The following PWWP2A variants were observed in gnomAD, a reference collection of about 807,000 sequenced individuals.
PWWP2A encodes PWWP domain-containing protein 2A.
In PWWP2A, 18 loss-of-function variants were observed where a neutral mutation model predicts 48.5. The observed-to-expected ratio is 0.37, with a 90% confidence interval of 0.26 to 0.55. The LOEUF (loss-of-function observed/expected upper bound fraction) is 0.55, where lower values mean the gene tolerates loss of function less well. Ranked by LOEUF, PWWP2A falls within the 20% of genes least tolerant of loss-of-function variation. The probability of loss-of-function intolerance (pLI) is 0.81; values close to 1 mark genes in which losing one functional copy is unlikely to be tolerated. For missense variants in PWWP2A, 867 were observed against 976.4 expected, an observed-to-expected ratio of 0.89 and a Z score of 1.49; for synonymous variants, 396 against 387.7, an observed-to-expected ratio of 1.02 and a Z score of -0.25.
rs1480189278 is a variant in PWWP2A at position 160,091,717 on chromosome 5, C to T, written c.*665G>A. On this transcript the variant is annotated 3_prime_UTR_variant, in exon 2 of 2. Coordinates refer to ENST00000307063, the MANE Select transcript of PWWP2A (RefSeq NM_001130864.2). ...AAAGACAGTGATGACTAACACCTATCCAGTCTTGACAGTTTTAATCCCAAA... is the reference window on the plus strand; with the variant it reads ...AAAGACAGTGATGACTAACACCTATTCAGTCTTGACAGTTTTAATCCCAAA... 2.0e-6 allele frequency: 2 copies of T among 985,040 alleles called. No individual in the cohort carries two copies. The highest frequency in any genetic ancestry group is 1.7e-5 in the African/African-American group (1 of 57,198). The allele number at this position is 985,040 out of a possible 1,614,324, so 61.0% of individuals were successfully genotyped here.
chr5:160,106,144 C>A lies in PWWP2A; in HGVS notation c.585-12079G>T, dbSNP rs538469198. ...CTTATTTCTAACTGCCAGGTTAACT[C>A]CCCAGCAAAACTATAAACTAAGTGG... is the stretch of plus-strand genomic sequence containing the variant. On this transcript the variant is annotated intron_variant, in intron 1 of 1. Coordinates refer to ENST00000307063, the MANE Select transcript of PWWP2A (RefSeq NM_001130864.2). 3.9e-5 allele frequency among the ~76,000 whole-genome samples: 6 copies of A among 152,276 alleles called. No individual in the cohort carries two copies. In the South Asian group the frequency reaches 1.2e-3, roughly 32 times the overall value.
At chr5:160,061,689 C>T (rs1451216956), downstream of PWWP2A, 1 of 151,072 alleles carries the variant, frequency 6.6e-6, no homozygotes, top group Admixed American at 6.6e-5. Flanking sequence ...AAGTGATGGT[C>T]GGTGAAACTA....
In PWWP2A at chr5:160,109,774, A is replaced by ATAT. The variant is rs1284977515; in HGVS notation, c.584+9030_584+9031insATA. 7.9e-4 allele frequency among the ~76,000 whole-genome samples: 20 copies of ATAT among 25,218 alleles called. 1 individual carries two copies. The highest frequency in any genetic ancestry group is 2.0e-3 in the Admixed American group (3 of 1,482). The allele number at this position is 25,218 out of a possible 152,430, so 16.5% of individuals were successfully genotyped here. A position where few individuals can be genotyped will look rare whatever the true frequency, so the allele number is the denominator to read the frequency against. ...GCAACTGGGAAAAAAAAAAAAAAAAAATATATATATATATATATATATATA... is the reference window on the plus strand; with the variant it reads ...GCAACTGGGAAAAAAAAAAAAAAAAATATATATATATATATATATATATATATA... On this transcript the variant is annotated intron_variant, in intron 1 of 1. Transcript: ENST00000307063.
chr5:160,090,950 CTA>C, downstream of PWWP2A: 1 of 985,088 alleles, frequency 1.0e-6, no homozygotes, highest in South Asian at 4.7e-5. Context: ...AAATAGTAAG[CTA>C]AGTTACTAGC....
At chr5:160,117,150 G>A (rs1758221328) in intron 1 of PWWP2A, among the ~76,000 whole-genome samples, 2 of 152,030 alleles carry the variant, frequency 1.3e-5, no homozygotes, top group African/African-American at 2.4e-5. Flanking sequence ...ACCTTATTCT[G>A]CTTTCTAATT....
At chr5:160,050,829 T>G in the PWWP2A span, among the ~76,000 whole-genome samples, 1 of 152,054 alleles carries the variant, frequency 6.6e-6, no homozygotes, top group South Asian at 2.1e-4. Context: ...TTTTGCCATG[T>G]TGCCCAAGGT....
intron 1 of PWWP2A, among the ~76,000 whole-genome samples, chr5:160,101,506 G>A (rs1756286290): frequency 6.6e-6 from 1 of 152,174 alleles, no homozygotes; most frequent in South Asian, 2.1e-4. Context: ...GTTGACAGCA[G>A]GTGGAGAAGC....
chr5:160,080,337 G>A (rs1754140247), intron 3 of PWWP2A, among the ~76,000 whole-genome samples: 1 of 152,166 alleles, frequency 6.6e-6, no homozygotes, highest in South Asian at 2.1e-4. Flanking sequence ...ACTTTCCATG[G>A]AGACTCAGTT....
downstream of PWWP2A, chr5:160,090,605 T>C (rs1329403707): frequency 1.0e-6 from 1 of 985,078 alleles, no homozygotes; most frequent in Non-Finnish European, 1.2e-6. Flanking sequence ...CATAAGAAAT[T>C]CTACTTGCTT....
downstream of PWWP2A, chr5:160,090,585 G>A (rs1465350226): frequency 5.1e-6 from 5 of 984,262 alleles, no homozygotes; most frequent in Non-Finnish European, 4.8e-6. Context: ...AAAGCATTGA[G>A]TGAGTTCCCC....
chr5:160,064,687 G>A (rs1753545904), intron 4 of PWWP2A, among the ~76,000 whole-genome samples: 1 of 152,150 alleles, frequency 6.6e-6, no homozygotes, highest in South Asian at 2.1e-4. Context: ...AGAGCCAGCA[G>A]GACTCCACTC....
At chr5:160,051,252 T>G in the PWWP2A span, 1 of 1,284,596 alleles carries the variant, frequency 7.8e-7, no homozygotes, top group Admixed American at 2.0e-5. Flanking sequence ...TAGCGAATAC[T>G]AGAGGAGAAC....
At chr5:160,088,823 A>C (rs1419015596), downstream of PWWP2A, among the ~76,000 whole-genome samples, 3 of 152,242 alleles carry the variant, frequency 2.0e-5, no homozygotes, top group African/African-American at 7.2e-5. Flanking sequence ...CTAATTTTAG[A>C]TACAAATTAT....
exon 3 of PWWP2A, chr5:160,080,684 G>A: frequency 2.6e-6 from 4 of 1,567,868 alleles, no homozygotes; most frequent in Non-Finnish European, 3.5e-6. Flanking sequence ...AATGCTCCCA[G>A]TCTGAATCCA....
intron 1 of PWWP2A, among the ~76,000 whole-genome samples, chr5:160,097,284 C>G (rs1379353653): frequency 1.4e-5 from 2 of 139,244 alleles, no homozygotes; most frequent in Admixed American, 1.6e-4. Context: ...CTTCAGTGAG[C>G]CATGTTCGCG....
chr5:160,061,562 G>A (rs902145782), downstream of PWWP2A, among the ~76,000 whole-genome samples: 2 of 152,110 alleles, frequency 1.3e-5, no homozygotes, highest in African/African-American at 4.8e-5. Context: ...CTTCTCTAAC[G>A]CAGAGACTAT....
At chr5:160,113,263 T>G (rs539397559) in intron 1 of PWWP2A, 1 of 978,916 alleles carries the variant, frequency 1.0e-6, no homozygotes, top group South Asian at 4.7e-5. Context: ...TATGTCCAGC[T>G]CCTTTTTTTT....
In PWWP2A at chr5:160,067,938, C is replaced by T. The variant is rs552953806; in HGVS notation, c.*80-1067G>A. 3.3e-5 allele frequency among the ~76,000 whole-genome samples: 5 copies of T among 152,230 alleles called. No homozygotes were observed. The East Asian group carries it at 7.7e-4, about 24-fold the overall frequency. On this transcript the variant is annotated intron_variant and NMD_transcript_variant, in intron 2 of 5. Coordinates refer to the PWWP2A transcript ENST00000524050. ...GCTCACACCTGTAATCTCAGAACTT[C>T]GGGAGGCCGAGGTGGGCGGATCACC...
chr5:160,045,888 G>A, the PWWP2A span, among the ~76,000 whole-genome samples: 1 of 151,926 alleles, frequency 6.6e-6, no homozygotes, highest in Non-Finnish European at 1.5e-5. Flanking sequence ...GACTACGGGC[G>A]CATGCCACCA....
Sources: allele counts gnomAD v4.1 joint callset (sites outside exome capture counted in the v4.1 genomes callset), GRCh38; gene constraint gnomAD v4.1.1; transcripts MANE v1.5; gene names NCBI Gene and HGNC (gene_info 2026-07-23, HGNC 2026-07-21).